The following SORCS1 variants were observed in gnomAD, a reference collection of about 807,000 sequenced individuals.
SORCS1 encodes the protein VPS10 domain-containing receptor SorCS1.
A neutral mutation model predicts 146.1 loss-of-function variants in SORCS1; 60 were observed. The ratio of observed to expected loss-of-function variants is 0.41; its 90% CI spans 0.33 to 0.51. The LOEUF (loss-of-function observed/expected upper bound fraction) is 0.51, where lower values mean the gene tolerates loss of function less well. SORCS1 is among the 20% of genes least tolerant of loss of function. SORCS1 has a pLI of 0.21. For missense variants in SORCS1, 1,352 were observed against 1,487.6 expected, an observed-to-expected ratio of 0.91 and a Z score of 1.50; for synonymous variants, 637 against 584.0, an observed-to-expected ratio of 1.09 and a Z score of -1.31.
chr10:106,583,151 C>T (rs1845022027), intron 24 of SORCS1, among the ~76,000 whole-genome samples: 1 of 152,108 alleles, frequency 6.6e-6, no homozygotes, highest in Non-Finnish European at 1.5e-5. Flanking sequence ...AAAGTACTGT[C>T]ATAGTATTTG....
intron 7 of SORCS1, among the ~76,000 whole-genome samples, chr10:106,708,195 C>T (rs1854672363): frequency 6.6e-6 from 1 of 151,996 alleles, no homozygotes; most frequent in African/African-American, 2.4e-5. Context: ...CAACTTGATG[C>T]TGAAATTGTC....
chr10:106,868,464 C>A (rs1298837111), intron 2 of SORCS1, among the ~76,000 whole-genome samples: 3 of 152,116 alleles, frequency 2.0e-5, no homozygotes, highest in Non-Finnish European at 4.4e-5. Flanking sequence ...CAATCCCTGG[C>A]AAATGGAAAA....
intron 18 of SORCS1, among the ~76,000 whole-genome samples, chr10:106,648,286 A>G (rs898235408): frequency 7.9e-5 from 12 of 152,260 alleles, no homozygotes; most frequent in African/African-American, 2.2e-4. Flanking sequence ...TAGCTTGATG[A>G]TAAGATTCTC....
intron 18 of SORCS1, among the ~76,000 whole-genome samples, chr10:106,642,632 T>C (rs929611266): frequency 2.0e-5 from 3 of 152,224 alleles, no homozygotes; most frequent in East Asian, 1.9e-4. Context: ...AAAAATATTA[T>C]GGCTTAATTT....
intron 12 of SORCS1, among the ~76,000 whole-genome samples, chr10:106,677,643 G>A (rs947297998): frequency 6.6e-6 from 1 of 152,128 alleles, no homozygotes; most frequent in Admixed American, 6.5e-5. Context: ...ATATTTATGG[G>A]TTCATGCTTA....
intron 2 of SORCS1, among the ~76,000 whole-genome samples, chr10:106,919,438 C>T (rs1161684545): frequency 6.6e-6 from 1 of 152,038 alleles, no homozygotes; most frequent in Non-Finnish European, 1.5e-5. Context: ...TATGGTCTGC[C>T]TGGGAAGAGG....
chr10:107,072,543 A>C (rs576666599), intron 1 of SORCS1, among the ~76,000 whole-genome samples: 1 of 152,162 alleles, frequency 6.6e-6, no homozygotes, highest in South Asian at 2.1e-4. Context: ...CTGAATATAC[A>C]CACATACATG....
intron 6 of SORCS1, among the ~76,000 whole-genome samples, chr10:106,723,077 G>A (rs1163416084): frequency 6.6e-6 from 1 of 152,052 alleles, no homozygotes; most frequent in Non-Finnish European, 1.5e-5. Flanking sequence ...GCCTATCCCA[G>A]CACTTGGTCA....
chr10:107,161,269 C>G (rs979577555), intron 1 of SORCS1, among the ~76,000 whole-genome samples: 1 of 152,206 alleles, frequency 6.6e-6, no homozygotes, highest in Admixed American at 6.5e-5. Flanking sequence ...AGAGACTCTT[C>G]ATAGCAAAGG....
intron 3 of SORCS1, among the ~76,000 whole-genome samples, chr10:106,824,859 C>G (rs1160397644): frequency 6.6e-6 from 1 of 152,112 alleles, no homozygotes; most frequent in South Asian, 2.1e-4. Context: ...AGAAGAGTCT[C>G]TCAGCAGGAA....
intron 22 of SORCS1, 142 bp from the exon 23 acceptor site, chr10:106,607,439 G>T: frequency 9.1e-7 from 1 of 1,099,710 alleles, no homozygotes. Flanking sequence ...ATCAGGCAGG[G>T]AGTATGTGAG....
intron 1 of SORCS1, among the ~76,000 whole-genome samples, chr10:107,111,574 T>C (rs1245867189): frequency 2.0e-5 from 3 of 152,090 alleles, no homozygotes; most frequent in East Asian, 3.9e-4. Context: ...TAGGGACCTA[T>C]GGGACAAAAA....
chr10:107,107,936 G>A (rs1832103966), intron 1 of SORCS1, among the ~76,000 whole-genome samples: 1 of 152,204 alleles, frequency 6.6e-6, no homozygotes, highest in South Asian at 2.1e-4. Context: ...TGTAGACCCT[G>A]AAACAGCTCT....
chr10:106,649,444 C>A (rs1175068631), intron 18 of SORCS1, among the ~76,000 whole-genome samples: 1 of 152,186 alleles, frequency 6.6e-6, no homozygotes, highest in Non-Finnish European at 1.5e-5. Context: ...GTTTCAATAT[C>A]TCTATTATTG....
intron 2 of SORCS1, among the ~76,000 whole-genome samples, chr10:106,912,274 A>G (rs1454165082): frequency 6.6e-6 from 1 of 152,170 alleles, no homozygotes; most frequent in Non-Finnish European, 1.5e-5. Flanking sequence ...GTTTGGCCAA[A>G]TCCCATAAGT....
At chr10:106,909,747 T>C (rs1382915757) in intron 2 of SORCS1, among the ~76,000 whole-genome samples, 1 of 152,206 alleles carries the variant, frequency 6.6e-6, no homozygotes, top group Non-Finnish European at 1.5e-5. Context: ...CTTTTACAAA[T>C]CACCTCCAGT....
At chr10:106,666,466 G>T (rs748259623) in intron 17 of SORCS1, among the ~76,000 whole-genome samples, 11 of 152,116 alleles carry the variant, frequency 7.2e-5, no homozygotes, top group African/African-American at 2.4e-4. Flanking sequence ...GCTCTCCTGG[G>T]TCTCCAGCTT....
At chr10:106,892,680 C>T (rs1023313996) in intron 2 of SORCS1, among the ~76,000 whole-genome samples, 2 of 152,094 alleles carry the variant, frequency 1.3e-5, no homozygotes, top group African/African-American at 4.8e-5. Context: ...TTCAACCCTG[C>T]CAGAGTTCAT....
At chr10:106,662,693 T>C (rs1161004977) in intron 17 of SORCS1, among the ~76,000 whole-genome samples, 1 of 152,216 alleles carries the variant, frequency 6.6e-6, no homozygotes. Flanking sequence ...GGCTTGTCCT[T>C]GAGAAAACTA....
Sources: allele counts gnomAD v4.1 joint callset (sites outside exome capture counted in the v4.1 genomes callset), GRCh38; gene constraint gnomAD v4.1.1; transcripts MANE v1.5; gene names NCBI Gene and HGNC (gene_info 2026-07-23, HGNC 2026-07-21).